The following APP variants were observed in gnomAD, a reference collection of about 807,000 sequenced individuals.
The protein encoded by APP is amyloid-beta precursor protein.
A neutral mutation model predicts 101.4 loss-of-function variants in APP; 31 were observed. The observed-to-expected ratio is 0.31, with a 90% CI of 0.23 to 0.41. The LOEUF (loss-of-function observed/expected upper bound fraction) is 0.41, where lower values mean the gene tolerates loss of function less well. APP is among the 10% of genes least tolerant of loss of function. The probability of loss-of-function intolerance (pLI) is 1.00; values close to 1 mark genes in which losing one functional copy is unlikely to be tolerated. For missense variants in APP, 839 were observed against 1,003.7 expected, an observed-to-expected ratio of 0.84 and a Z score of 2.22; for synonymous variants, 366 against 364.4, an observed-to-expected ratio of 1.00 and a Z score of -0.05.
chr21:26,140,372 C>G, intron 1 of APP: 1 of 1,480,116 alleles, frequency 6.8e-7, no homozygotes. Context: ...CTACCACGCA[C>G]AGCAAGGCTG....
chr21:26,126,855 C>A (rs2062694964), intron 1 of APP, among the ~76,000 whole-genome samples: 1 of 152,014 alleles, frequency 6.6e-6, no homozygotes, highest in Non-Finnish European at 1.5e-5. Context: ...AATTAGCATT[C>A]AAATATTGGT....
intron 15 of APP, among the ~76,000 whole-genome samples, chr21:25,902,741 AG>A (rs1294921723): frequency 6.6e-6 from 1 of 152,260 alleles, no homozygotes; most frequent in African/African-American, 2.4e-5. Context: ...CATTCTTGTT[AG>A]CACTTAATGT....
At chr21:26,012,210 G>T (rs145121894) in intron 6 of APP, among the ~76,000 whole-genome samples, 214 of 152,048 alleles carry the variant, frequency 1.4e-3, no homozygotes, top group African/African-American at 5.1e-3. Context: ...TGGGGCCCAG[G>T]CTGCTTGCAA....
At chr21:26,136,160 A>AAAG (rs781651983) in intron 1 of APP, among the ~76,000 whole-genome samples, 1 of 65,184 alleles carries the variant, frequency 1.5e-5, no homozygotes, top group African/African-American at 6.6e-5. Flanking sequence ...AAAAGAAAAG[A>AAAG]AAAGAAAGAA....
intron 6 of APP, among the ~76,000 whole-genome samples, chr21:26,001,392 A>G (rs2043287178): frequency 6.6e-6 from 1 of 152,234 alleles, no homozygotes; most frequent in South Asian, 2.1e-4. Context: ...CCCTTGCTAG[A>G]CTGACGCCTT....
At chr21:26,162,787 T>C (rs2830103) in intron 1 of APP, among the ~76,000 whole-genome samples, 49,825 of 143,004 alleles carry the variant, frequency 0.35, 9,361 homozygotes, top group African/African-American at 0.49. Context: ...TTTATCAGTC[T>C]GTATCATCTA....
intron 1 of APP, among the ~76,000 whole-genome samples, chr21:26,125,521 G>A (rs754274761): frequency 1.8e-4 from 28 of 152,176 alleles, no homozygotes; most frequent in Non-Finnish European, 4.0e-4. Context: ...CAGTAAACAG[G>A]AGTGGAGGTA....
intron 13 of APP, among the ~76,000 whole-genome samples, chr21:25,916,713 G>C (rs956475199): frequency 1.1e-4 from 16 of 151,932 alleles, no homozygotes; most frequent in Non-Finnish European, 4.4e-5. Context: ...ATTAAACTAA[G>C]AGACTGCTTA....
At chr21:26,108,901 A>AAAAC (rs1177455017) in intron 2 of APP, among the ~76,000 whole-genome samples, 2 of 152,274 alleles carry the variant, frequency 1.3e-5, no homozygotes, top group East Asian at 3.9e-4. Context: ...AAAAGAAAAA[A>AAAAC]AAAGAAAAAA....
intron 1 of APP, among the ~76,000 whole-genome samples, chr21:26,168,004 C>T (rs547238008): frequency 6.6e-6 from 1 of 152,126 alleles, no homozygotes; most frequent in African/African-American, 2.4e-5. Context: ...TTTCCATAAA[C>T]TATAAATTAG....
At chr21:25,966,858 A>T (rs1456559836) in intron 11 of APP, among the ~76,000 whole-genome samples, 1 of 152,216 alleles carries the variant, frequency 6.6e-6, no homozygotes, top group East Asian at 1.9e-4. Context: ...TCCACATCAT[A>T]TAGTGGCGAA....
At chr21:26,061,139 G>A (rs139282169) in intron 3 of APP, among the ~76,000 whole-genome samples, 1 of 152,272 alleles carries the variant, frequency 6.6e-6, no homozygotes, top group African/African-American at 2.4e-5. Context: ...CTCAGATTCT[G>A]GATGTCGTCT....
At chr21:25,960,780 T>C (rs764768374) in intron 11 of APP, among the ~76,000 whole-genome samples, 2 of 152,212 alleles carry the variant, frequency 1.3e-5, no homozygotes, top group African/African-American at 2.4e-5. Context: ...AAGCAAAGCC[T>C]GGGAACATCA....
intron 15 of APP, among the ~76,000 whole-genome samples, chr21:25,898,619 A>T (rs1015843297): frequency 2.2e-4 from 34 of 152,306 alleles, no homozygotes; most frequent in Admixed American, 1.7e-3. Flanking sequence ...ATTTTTTGAT[A>T]GATTTGCCTG....
intron 1 of APP, among the ~76,000 whole-genome samples, chr21:26,154,832 T>G (rs1201172608): frequency 2.6e-5 from 4 of 152,240 alleles, no homozygotes; most frequent in Non-Finnish European, 5.9e-5. Flanking sequence ...TTCCAGAAAC[T>G]ATGATTCTCT....
At chr21:26,017,548 C>T (rs2044152831) in intron 6 of APP, among the ~76,000 whole-genome samples, 1 of 152,142 alleles carries the variant, frequency 6.6e-6, no homozygotes, top group South Asian at 2.1e-4. Context: ...CCAACGATGC[C>T]TTCCACAGTA....
In APP at chr21:25,886,254, A is replaced by G. The variant is rs1480180965; in HGVS notation, c.2212-4483T>C. 2.0e-5 allele frequency among the ~76,000 whole-genome samples: 3 copies of G among 152,124 alleles called. No homozygotes were observed. In the East Asian group the frequency reaches 5.8e-4, roughly 29 times the overall value. ...CGTAACCTCCCAGTAACTGCCTGCTACCTAGTTGTATAGATGCTTGTTTTC... is the reference window on the plus strand; with the variant it reads ...CGTAACCTCCCAGTAACTGCCTGCTGCCTAGTTGTATAGATGCTTGTTTTC... On this transcript the variant is annotated intron_variant, in intron 17 of 17. Coordinates refer to ENST00000346798, the MANE Select transcript of APP (RefSeq NM_000484.4).
At chr21:25,969,579 C>T (rs2041931952) in intron 11 of APP, among the ~76,000 whole-genome samples, 1 of 151,850 alleles carries the variant, frequency 6.6e-6, no homozygotes, top group African/African-American at 2.4e-5. Context: ...GTGGCTCATG[C>T]CTGTAATATC....
At chr21:25,901,833 C>G (rs201376415) in intron 15 of APP, among the ~76,000 whole-genome samples, 19 of 152,154 alleles carry the variant, frequency 1.2e-4, no homozygotes, top group African/African-American at 4.1e-4. Context: ...TTGCATGGCT[C>G]GGGTCAAGGA....
Sources: gnomAD v4.1 joint callset for allele counts (sites outside exome capture counted in the v4.1 genomes callset) on GRCh38, gnomAD v4.1.1 for gene constraint, MANE v1.5 for transcripts, NCBI Gene and HGNC (gene_info 2026-07-23, HGNC 2026-07-21) for gene names.